AMD1: variants seen among roughly 807,000 people sequenced by gnomAD.
AMD1 encodes the protein S-adenosylmethionine decarboxylase proenzyme.
A neutral mutation model predicts 40.2 loss-of-function variants in AMD1; 11 were observed. That is an observed-to-expected ratio of 0.27 (90% CI 0.17 to 0.45). AMD1 has a LOEUF of 0.45. AMD1 is among the 20% of genes least tolerant of loss of function. AMD1 has a pLI of 1.00. For synonymous variants in AMD1, 121 were observed against 130.8 expected (o/e 0.93, Z 0.51); for missense variants, 257 against 410.2 (o/e 0.63, Z 3.23).
the AMD1 span, among the ~76,000 whole-genome samples, chr6:110,824,035 T>G: frequency 6.6e-6 from 1 of 152,150 alleles, no homozygotes; most frequent in African/African-American, 2.4e-5. Flanking sequence ...TAAAAGTAGA[T>G]GTACCATTCA....
the AMD1 span, among the ~76,000 whole-genome samples, chr6:110,818,932 C>A: frequency 6.6e-6 from 1 of 152,200 alleles, no homozygotes; most frequent in Non-Finnish European, 1.5e-5. Flanking sequence ...CAATAGGAAG[C>A]TATTACACAC....
the AMD1 span, among the ~76,000 whole-genome samples, chr6:110,863,042 T>G: frequency 8.7e-3 from 1,320 of 152,094 alleles, 12 homozygotes; most frequent in Non-Finnish European, 0.015. Context: ...CCTCCCGTGT[T>G]CACGCCATTC....
chr6:110,876,291 C>T (rs1403724078), intron 1 of AMD1, among the ~76,000 whole-genome samples: 2 of 152,250 alleles, frequency 1.3e-5, no homozygotes, highest in African/African-American at 2.4e-5. Context: ...GCCACCGGAT[C>T]CCTGGCTCCT....
At chr6:110,854,621 G>A in the AMD1 span, among the ~76,000 whole-genome samples, 1 of 152,000 alleles carries the variant, frequency 6.6e-6, no homozygotes. Context: ...GCTAATTTTT[G>A]TATTTTTGTA....
the AMD1 span, among the ~76,000 whole-genome samples, chr6:110,857,843 G>A: frequency 1.3e-5 from 2 of 149,388 alleles, no homozygotes; most frequent in Non-Finnish European, 3.0e-5. Flanking sequence ...TAGATTGATT[G>A]ATTGAATTAG....
chr6:110,892,954 T>C lies in AMD1; in HGVS notation c.753T>C (p.Ser251=), dbSNP rs1786114454. 1 of 1,614,034 alleles carries C rather than the reference T, an allele frequency of 6.2e-7. No homozygotes were observed. Among genetic ancestry groups the C allele is most frequent in the East Asian group, 2.2e-5 (1 of 44,872 alleles). ...TIHITPEPEF[S]YVSFETNLSQ... is the part of the protein sequence containing the mutation. ...ACATCACTCCAGAACCAGAATTTTC[T>C]TATGTTAGCTTTGAAACAAACTTAA... Residue 251 remains serine (S), a synonymous_variant, in exon 8 of 9, where the codon TCT becomes TCC. Transcript: ENST00000368885.
the AMD1 span, among the ~76,000 whole-genome samples, chr6:110,829,395 A>G: frequency 6.6e-6 from 1 of 151,170 alleles, no homozygotes; most frequent in African/African-American, 2.4e-5. Flanking sequence ...TTAACCGGAC[A>G]TCGGCCGGGC....
chr6:110,891,690 A>AGT, intron 4 of AMD1: 3 of 170,776 alleles, frequency 1.8e-5, no homozygotes, highest in South Asian at 1.4e-4. Flanking sequence ...CCGCCAAGTC[A>AGT]GTCGATCCTG....
the AMD1 span, among the ~76,000 whole-genome samples, chr6:110,838,571 C>T: frequency 6.6e-6 from 1 of 151,598 alleles, no homozygotes; most frequent in Non-Finnish European, 1.5e-5. Context: ...TTAACAACTA[C>T]TTTCCAGCGG....
chr6:110,826,118 G>A, the AMD1 span, among the ~76,000 whole-genome samples: 1 of 148,544 alleles, frequency 6.7e-6, no homozygotes, highest in Non-Finnish European at 1.5e-5. Context: ...AGGGAGCTAT[G>A]ATCACACTAC....
At chr6:110,882,757 C>CT (rs1785478342) in intron 1 of AMD1, among the ~76,000 whole-genome samples, 1 of 151,972 alleles carries the variant, frequency 6.6e-6, no homozygotes, top group African/African-American at 2.4e-5. Context: ...TTCTGATTAC[C>CT]GGAGCATTAC....
chr6:110,825,921 A>C, the AMD1 span, among the ~76,000 whole-genome samples: 3 of 152,094 alleles, frequency 2.0e-5, no homozygotes, highest in Non-Finnish European at 4.4e-5. Flanking sequence ...TAATCCCAAC[A>C]TTTTGGGAGA....
At chr6:110,855,681 A>G in the AMD1 span, among the ~76,000 whole-genome samples, 1 of 152,174 alleles carries the variant, frequency 6.6e-6, no homozygotes, top group Non-Finnish European at 1.5e-5. Flanking sequence ...CTGGAGGCTG[A>G]GAGAAAGGTG....
chr6:110,886,634 A>G (rs1785702521), intron 1 of AMD1, among the ~76,000 whole-genome samples: 1 of 152,126 alleles, frequency 6.6e-6, no homozygotes, highest in Non-Finnish European at 1.5e-5. Context: ...ACAGCTGGGC[A>G]TGGTGGCACA....
intron 1 of AMD1, among the ~76,000 whole-genome samples, chr6:110,878,611 G>A (rs1785234668): frequency 6.6e-6 from 1 of 152,174 alleles, no homozygotes; most frequent in Admixed American, 6.5e-5. Context: ...AGATTTTACG[G>A]ATGTTGAATA....
the AMD1 span, among the ~76,000 whole-genome samples, chr6:110,843,084 G>A: frequency 2.6e-5 from 4 of 152,058 alleles, no homozygotes; most frequent in African/African-American, 9.6e-5. Flanking sequence ...AGTGAGCCGA[G>A]ATCGGGCCAC....
In AMD1 at chr6:110,892,442, G is replaced by T. The variant is rs138417618; in HGVS notation, c.614G>T (p.Arg205Leu). The stretch of plus-strand genomic sequence containing the variant: ...GGTGTTACTGCAAAGGATGTCACTC[G>T]TGTAAGCATTTTTAGTAATAATTGT... ...KDGVTAKDVT[R>L]ESGIRDLIPG... The change falls in exon 6 of 9, where the codon CGT becomes CTT. Residue 205 changes from arginine to leucine, a missense_variant and splice_region_variant. Physicochemically the swap from Arg to Leu is moderately radical, Grantham distance 102. Transcript: ENST00000368885. 6.2e-7 allele frequency: 1 copy of T among 1,611,956 alleles called. No individual in the cohort carries two copies.
chr6:110,874,813 C>G lies in AMD1; in HGVS notation c.-293C>G, dbSNP rs1463518610. ...TACACAGTATGGCCGGCGACATTAGCTAGCGCTCGCTCTACTCTCTCTAAC... is the reference window on the plus strand; with the variant it reads ...TACACAGTATGGCCGGCGACATTAGGTAGCGCTCGCTCTACTCTCTCTAAC... On this transcript the variant is annotated 5_prime_UTR_variant, in exon 1 of 9. Coordinates refer to ENST00000368885, the MANE Select transcript of AMD1 (RefSeq NM_001634.6). 3.2e-6 allele frequency: 1 copy of G among 313,568 alleles called. No individual in the cohort carries two copies. The highest frequency in any genetic ancestry group is 6.0e-6 in the Non-Finnish European group (1 of 167,498). The allele number at this position is 313,568 out of a possible 1,614,324, so 19.4% of individuals were successfully genotyped here. A position where few individuals can be genotyped will look rare whatever the true frequency, so the allele number is the denominator to read the frequency against.
In AMD1 at chr6:110,892,302, C is replaced by T. The variant is rs557735018; in HGVS notation, c.474C>T (p.Tyr158=). ...ACTATTTTTAATTTTTATTTAGGTA[C>T]TTATATACTCTGGATTTCCCAGAGA... ...CMGRMNSDCW[Y]LYTLDFPESR... Residue 158 remains tyrosine (Y), a synonymous_variant, in exon 6 of 9, where the codon TAC becomes TAT. Coordinates refer to ENST00000368885, the MANE Select transcript of AMD1 (RefSeq NM_001634.6). 128 of 1,613,800 alleles carry T rather than the reference C, an allele frequency of 7.9e-5. 2 individuals carry two copies. The South Asian group carries it at 9.3e-4, about 12-fold the overall frequency.
Sources: gnomAD v4.1 joint callset for allele counts (sites outside exome capture counted in the v4.1 genomes callset) on GRCh38, gnomAD v4.1.1 for gene constraint, MANE v1.5 for transcripts, NCBI Gene and HGNC (gene_info 2026-07-23, HGNC 2026-07-21) for gene names.